The following DLC1 variants were observed in gnomAD, a reference collection of about 807,000 sequenced individuals.
DLC1 encodes the protein rho GTPase-activating protein 7.
A neutral mutation model predicts 140.3 loss-of-function variants in DLC1; 54 were observed. That is an observed-to-expected ratio of 0.38 (90% CI 0.31 to 0.48). The LOEUF is 0.48. DLC1 is among the 20% of genes least tolerant of loss of function. DLC1 has a pLI of 0.96. For synonymous variants in DLC1, 986 were observed against 728.1 expected (o/e 1.35, Z -5.70); for missense variants, 2,536 against 1,907.0 (o/e 1.33, Z -6.14).
At chr8:13,091,526 A>G (rs1818076250) in intron 13 of DLC1, 94 bp from the exon 14 acceptor site, 1 of 1,143,610 alleles carries the variant, frequency 8.7e-7, no homozygotes, top group Non-Finnish European at 1.2e-6. Flanking sequence ...GAGAGAAAAA[A>G]AAATTTTCAC....
chr8:13,201,612 T>G (rs1364566732), intron 5 of DLC1, among the ~76,000 whole-genome samples: 1 of 152,014 alleles, frequency 6.6e-6, no homozygotes, highest in East Asian at 1.9e-4. Flanking sequence ...CTATTGCAAT[T>G]TAATGATTCA....
chr8:13,153,225 G>C (rs1367981932), intron 5 of DLC1, among the ~76,000 whole-genome samples: 2 of 152,124 alleles, frequency 1.3e-5, no homozygotes, highest in African/African-American at 2.4e-5. Context: ...TGGTGGGTTC[G>C]TGGTCTCGCA....
At chr8:13,529,879 T>C (rs530492027) in intron 1 of DLC1, among the ~76,000 whole-genome samples, 31 of 152,316 alleles carry the variant, frequency 2.0e-4, no homozygotes, top group African/African-American at 7.5e-4. Context: ...CATGTTTATT[T>C]CTATTCCTAA....
intron 2 of DLC1, among the ~76,000 whole-genome samples, chr8:13,417,710 CT>C (rs1259173583): frequency 6.6e-6 from 1 of 152,130 alleles, no homozygotes; most frequent in Non-Finnish European, 1.5e-5. Flanking sequence ...ATTTCTAGTC[CT>C]TTGGGTTCAT....
chr8:13,197,549 C>T (rs1374921011), intron 5 of DLC1, among the ~76,000 whole-genome samples: 1 of 151,774 alleles, frequency 6.6e-6, no homozygotes, highest in East Asian at 1.9e-4. Context: ...GGTTTCACCA[C>T]GTTAGCCAGG....
At position 13,086,394 on chromosome 8, in the gene DLC1, T is replaced by C. The variant is rs1422283112; in HGVS notation, c.4362A>G (p.Ala1454=). 6.2e-6 allele frequency: 10 copies of C among 1,614,200 alleles called. No individual in the cohort carries two copies. The highest frequency in any genetic ancestry group is 1.7e-5 in the Admixed American group (1 of 60,018). The part of the protein sequence containing the change: ...LLLTSVDHDR[A]PVVGVRVNVL... ...CATTAACCCTCACACCCACCACAGG[T>C]GCGCGATCGTGATCCACAGAGGTTA... Residue 1454 remains alanine, a synonymous_variant, in exon 17 of 18, where the codon GCA becomes GCG. Transcript: ENST00000276297.
chr8:13,401,197 C>T (rs748697589), intron 3 of DLC1, among the ~76,000 whole-genome samples: 8 of 152,198 alleles, frequency 5.3e-5, no homozygotes, highest in Non-Finnish European at 1.0e-4. Context: ...GGTTTGATCA[C>T]TACAAACCAT....
intron 1 of DLC1, among the ~76,000 whole-genome samples, chr8:13,603,779 G>T (rs531598323): frequency 1.3e-5 from 2 of 152,010 alleles, no homozygotes; most frequent in African/African-American, 4.8e-5. Context: ...GGAAAGCCAT[G>T]GTATCTGTTC....
chr8:13,580,093 TTA>T (rs1474864989), intron 1 of DLC1, among the ~76,000 whole-genome samples: 1 of 150,866 alleles, frequency 6.6e-6, no homozygotes, highest in Non-Finnish European at 1.5e-5. Flanking sequence ...CATATGCCAA[TTA>T]TCAGCTTCTA....
intron 2 of DLC1, among the ~76,000 whole-genome samples, chr8:13,481,418 C>T (rs549869539): frequency 1.3e-5 from 2 of 152,124 alleles, no homozygotes; most frequent in Non-Finnish European, 2.9e-5. Flanking sequence ...GGGAGTGAGA[C>T]CTTGTCTCAA....
intron 2 of DLC1, among the ~76,000 whole-genome samples, chr8:13,487,958 T>G (rs1363246991): frequency 6.6e-6 from 1 of 152,234 alleles, no homozygotes; most frequent in Non-Finnish European, 1.5e-5. Context: ...TCTTGCCTGC[T>G]TTACACTCTG....
Position 13,095,089 on chromosome 8 carries a change from A to C in DLC1, c.3324T>G (p.Asp1108Glu), listed in dbSNP as rs775545560. ...AMRYLRNHCL[D>E]QVGLFRKSGV... is the part of the protein sequence containing the mutation. ...GACCCGCAGGCAGCGCTCTCACCTGATCCAAACAATGGTTCCGGAGGTATC... is the reference window on the plus strand; with the variant it reads ...GACCCGCAGGCAGCGCTCTCACCTGCTCCAAACAATGGTTCCGGAGGTATC... Residue 1108 changes from aspartate (D) to glutamate (E), a missense_variant, in exon 11 of 18, where the codon GAT becomes GAG. Transcript: ENST00000276297. The C allele has an allele frequency of 4.3e-6, 7 of 1,614,242 alleles. No individual in the cohort carries two copies. In the South Asian group the frequency reaches 6.6e-5, roughly 15 times the overall value.
At chr8:13,321,649 G>T (rs1002599906) in intron 4 of DLC1, among the ~76,000 whole-genome samples, 1 of 150,410 alleles carries the variant, frequency 6.6e-6, no homozygotes, top group African/African-American at 2.5e-5. Flanking sequence ...CCAGTTAGCA[G>T]CATTCTTTTC....
intron 5 of DLC1, among the ~76,000 whole-genome samples, chr8:13,234,506 A>T (rs1234369757): frequency 1.3e-5 from 2 of 152,156 alleles, no homozygotes; most frequent in South Asian, 2.1e-4. Context: ...CTAATTTAAG[A>T]CAATGCACTT....
intron 2 of DLC1, among the ~76,000 whole-genome samples, chr8:13,419,237 A>G (rs1168596461): frequency 6.6e-6 from 1 of 151,908 alleles, no homozygotes; most frequent in Non-Finnish European, 1.5e-5. Context: ...CCTGGCCAGA[A>G]CTTCTAACAC....
chr8:13,124,553 C>A (rs1821393456), intron 5 of DLC1, among the ~76,000 whole-genome samples: 1 of 152,198 alleles, frequency 6.6e-6, no homozygotes, highest in Non-Finnish European at 1.5e-5. Context: ...CAGCTTTGCA[C>A]CTGGGTGCCC....
intron 1 of DLC1, among the ~76,000 whole-genome samples, chr8:13,543,471 C>G (rs926153496): frequency 6.6e-6 from 1 of 152,070 alleles, no homozygotes; most frequent in Admixed American, 6.6e-5. Flanking sequence ...AATTGTAGAT[C>G]TATTTTTAGT....
intron 4 of DLC1, among the ~76,000 whole-genome samples, chr8:13,334,832 T>C (rs888557790): frequency 6.6e-6 from 1 of 152,218 alleles, no homozygotes; most frequent in African/African-American, 2.4e-5. Context: ...GTCATAATCA[T>C]AGCTATTATT....
chr8:13,304,847 C>T, intron 5 of DLC1: 3 of 984,104 alleles, frequency 3.0e-6, no homozygotes, highest in Non-Finnish European at 3.6e-6. Flanking sequence ...TGCTTCATCA[C>T]TATATTTTTG....
Sources: gnomAD v4.1 joint callset for allele counts (sites outside exome capture counted in the v4.1 genomes callset) on GRCh38, gnomAD v4.1.1 for gene constraint, MANE v1.5 for transcripts, NCBI Gene and HGNC (gene_info 2026-07-23, HGNC 2026-07-21) for gene names.